Variants in EFCAB5 observed in about 807,000 individuals in gnomAD.
EFCAB5 encodes EF-hand calcium binding domain 5.
EFCAB5 carries 131 observed loss-of-function variants against 167.9 expected under a neutral mutation model. The observed-to-expected ratio is 0.78, with a 90% CI of 0.68 to 0.90. The LOEUF (loss-of-function observed/expected upper bound fraction) is 0.90. Ranked by LOEUF, EFCAB5 falls within the 40% of genes least tolerant of loss-of-function variation. The pLI, the probability that EFCAB5 is intolerant of heterozygous loss-of-function variation, is 0.00. For synonymous variants in EFCAB5, 574 were observed against 602.8 expected, an observed-to-expected ratio of 0.95 and a Z score of 0.70; for missense variants, 1,663 against 1,745.2, an observed-to-expected ratio of 0.95 and a Z score of 0.84.
chr17:30,033,806 C>T (rs1256380557), intron 7 of EFCAB5, among the ~76,000 whole-genome samples: 1 of 152,212 alleles, frequency 6.6e-6, no homozygotes, highest in African/African-American at 2.4e-5. Context: ...TTGTCGCTTA[C>T]ACTCCAGTAA....
chr17:29,980,398 A>AT (rs1272943260), intron 4 of EFCAB5, among the ~76,000 whole-genome samples: 1 of 152,172 alleles, frequency 6.6e-6, no homozygotes, highest in Non-Finnish European at 1.5e-5. Context: ...CTTCCCACAC[A>AT]TTTTTTAACC....
chr17:29,993,128 A>G, intron 4 of EFCAB5, 37 bp from the exon 5 acceptor site: 1 of 1,550,576 alleles, frequency 6.4e-7, no homozygotes, highest in South Asian at 1.3e-5. Context: ...ATCCAAGGGT[A>G]TTAACTCAAC....
chr17:30,048,344 T>TAAA (rs112459093), intron 8 of EFCAB5, among the ~76,000 whole-genome samples: 13 of 146,250 alleles, frequency 8.9e-5, no homozygotes, highest in African/African-American at 3.2e-4. Context: ...GCCAGAATGT[T>TAAA]AAAAAAAAAA....
chr17:29,990,173 CA>C (rs2068382398), intron 4 of EFCAB5, among the ~76,000 whole-genome samples: 1 of 152,084 alleles, frequency 6.6e-6, no homozygotes, highest in Admixed American at 6.5e-5. Context: ...GGGGCTTTAC[CA>C]ACTCCAACTA....
intron 8 of EFCAB5, among the ~76,000 whole-genome samples, chr17:30,039,323 T>C (rs2069708505): frequency 6.6e-6 from 1 of 152,332 alleles, no homozygotes; most frequent in Admixed American, 6.5e-5. Context: ...GATCAAGCCC[T>C]ACCAAATTAA....
intron 5 of EFCAB5, among the ~76,000 whole-genome samples, chr17:29,994,133 A>AATATATATATATATATATAT (rs55875315): frequency 3.6e-5 from 2 of 55,852 alleles, no homozygotes; most frequent in Admixed American, 2.4e-4. Flanking sequence ...AACAACAACA[A>AATATATATATATATATATAT]ATATATATAT....
intron 10 of EFCAB5, 110 bp downstream of exon 10, chr17:30,054,258 A>C: frequency 7.3e-7 from 1 of 1,371,134 alleles, no homozygotes; most frequent in Non-Finnish European, 9.7e-7. Context: ...GGCATATCAG[A>C]TCATGCAAAC....
At chr17:30,004,692 C>G (rs1334910350) in intron 7 of EFCAB5, among the ~76,000 whole-genome samples, 1 of 149,190 alleles carries the variant, frequency 6.7e-6, no homozygotes, top group East Asian at 2.0e-4. Flanking sequence ...GCAATCTTGG[C>G]TCACTGCAAC....
At chr17:29,987,983 T>A (rs1346425688) in intron 4 of EFCAB5, among the ~76,000 whole-genome samples, 1 of 152,206 alleles carries the variant, frequency 6.6e-6, no homozygotes, top group African/African-American at 2.4e-5. Context: ...GTTCCAATCC[T>A]CGAGGATTAA....
intron 4 of EFCAB5, among the ~76,000 whole-genome samples, chr17:29,986,708 G>A (rs1489705029): frequency 4.4e-5 from 6 of 136,016 alleles, no homozygotes; most frequent in South Asian, 2.5e-4. Flanking sequence ...GTGCAGTGGC[G>A]CAATCTCGGC....
chr17:30,101,796 C>T (rs779011796), intron 22 of EFCAB5, among the ~76,000 whole-genome samples: 4 of 152,260 alleles, frequency 2.6e-5, no homozygotes, highest in Non-Finnish European at 5.9e-5. Flanking sequence ...CAGCAGGTTT[C>T]ATTCTGATGG....
chr17:30,079,923 C>T (rs2070948985), intron 15 of EFCAB5, 149 bp from the exon 16 acceptor site: 1 of 889,972 alleles, frequency 1.1e-6, no homozygotes, highest in African/African-American at 1.7e-5. Context: ...AACCTTTTCC[C>T]CACTGCCCAT....
chr17:29,942,617 A>G lies in EFCAB5; in HGVS notation c.105+315A>G, dbSNP rs1204920358. On this transcript the variant is annotated intron_variant, in intron 2 of 22. Coordinates refer to ENST00000394835, the MANE Select transcript of EFCAB5 (RefSeq NM_198529.4). Reference sequence around the variant, plus strand: ...CTATCATGCTGAAAATGTAATTTCCAGGTTAATCATTTAAGTAACTTTGTG... The same window carrying G: ...CTATCATGCTGAAAATGTAATTTCCGGGTTAATCATTTAAGTAACTTTGTG... 5.9e-5 allele frequency among the ~76,000 whole-genome samples: 9 copies of G among 152,338 alleles called. No individual in the cohort carries two copies. In the East Asian group the frequency reaches 1.7e-3, roughly 29 times the overall value.
intron 9 of EFCAB5, 42 bp from the exon 10 acceptor site, chr17:30,053,213 T>C (rs369593328): frequency 3.2e-6 from 5 of 1,538,558 alleles, no homozygotes; most frequent in Admixed American, 2.1e-5. Flanking sequence ...TTCTGCATTA[T>C]AAGATCAATG....
rs148557738 is a variant in EFCAB5 at position 29,961,053 on chromosome 17, C to T, written c.191-7738C>T. 8.2e-4 allele frequency among the ~76,000 whole-genome samples: 125 copies of T among 152,298 alleles called. 1 individual carries two copies. In the East Asian group the frequency reaches 0.023, roughly 28 times the overall value. On this transcript the variant is annotated intron_variant, in intron 3 of 22. Transcript: ENST00000394835. The stretch of plus-strand genomic sequence containing the variant: ...TTTCCACAATAGCTGCATCACTTTG[C>T]ATTCCCACCAGCAAAGCATGAGAGT...
intron 22 of EFCAB5, among the ~76,000 whole-genome samples, chr17:30,096,982 T>TTATATACATATA (rs1262338164): frequency 1.6e-5 from 2 of 123,646 alleles, no homozygotes; most frequent in Admixed American, 1.8e-4. Context: ...CCGGTCACAA[T>TTATATACATATA]TATATACATA....
chr17:29,981,931 T>G (rs2068184306), intron 4 of EFCAB5, among the ~76,000 whole-genome samples: 1 of 152,234 alleles, frequency 6.6e-6, no homozygotes, highest in Non-Finnish European at 1.5e-5. Context: ...ATTATTCATC[T>G]GCTTAAATAT....
intron 4 of EFCAB5, among the ~76,000 whole-genome samples, chr17:29,977,999 A>T (rs8082680): frequency 6.6e-6 from 1 of 152,034 alleles, no homozygotes. Flanking sequence ...GCTTCAAAAT[A>T]TCTTACTCAT....
intron 13 of EFCAB5, among the ~76,000 whole-genome samples, chr17:30,058,325 G>T (rs1244357704): frequency 6.6e-6 from 1 of 152,000 alleles, no homozygotes; most frequent in African/African-American, 2.4e-5. Flanking sequence ...TACTTACTTG[G>T]GTGACAGGTA....
Sources: allele counts gnomAD v4.1 joint callset (sites outside exome capture counted in the v4.1 genomes callset), GRCh38; gene constraint gnomAD v4.1.1; transcripts MANE v1.5; gene names NCBI Gene and HGNC (gene_info 2026-07-23, HGNC 2026-07-21).